The following USH2A variants were observed in gnomAD, a reference collection of about 807,000 sequenced individuals.
USH2A encodes the protein Usher syndrome 2A (autosomal recessive, mild).
A neutral mutation model predicts 538.9 loss-of-function variants in USH2A; 443 were observed. The ratio of observed to expected loss-of-function variants is 0.82; its 90% CI spans 0.76 to 0.89. USH2A has a LOEUF of 0.89. USH2A is among the 40% of genes least tolerant of loss of function. The probability of loss-of-function intolerance (pLI) is 0.00; values close to 1 mark genes in which losing one functional copy is unlikely to be tolerated. For synonymous variants in USH2A, 2,413 were observed against 2,273.5 expected, an observed-to-expected ratio of 1.06 and a Z score of -1.75; for missense variants, 6,633 against 6,324.8, an observed-to-expected ratio of 1.05 and a Z score of -1.65.
intron 2 of USH2A, among the ~76,000 whole-genome samples, chr1:216,420,412 C>T (rs759241945): frequency 6.6e-6 from 1 of 151,948 alleles, no homozygotes; most frequent in Non-Finnish European, 1.5e-5. Context: ...CCTGAATAAA[C>T]AATAATTGGA....
intron 20 of USH2A, among the ~76,000 whole-genome samples, chr1:216,180,868 G>T (rs2034479883): frequency 6.6e-6 from 1 of 152,110 alleles, no homozygotes; most frequent in South Asian, 2.1e-4. Context: ...TGCTAGGCCA[G>T]AACACTTGCA....
In USH2A at chr1:215,867,041, G is replaced by T. The variant is rs544710050; in HGVS notation, c.8811C>A (p.Asn2937Lys). ...CCCACCTCACGTCGATGGCTGTGTG[G>T]TTAAGGACACTCGCAGTGAGATTGG... The part of the protein sequence containing the change: ...RGANLTASVL[N>K]HTAIDVRWAK... The change falls in exon 44 of 72, where the codon AAC (asparagine) becomes AAA (lysine). Residue 2937 changes from asparagine to lysine, a missense_variant. By Grantham distance (94) the Asn-to-Lys change is moderately conservative (BLOSUM62 0). Transcript: ENST00000307340. 1.2e-6 allele frequency: 2 copies of T among 1,614,128 alleles called. No homozygotes were observed. Among genetic ancestry groups the T allele is most frequent in the Admixed American group, 1.7e-5 (1 of 60,014 alleles).
Position 215,743,339 on chromosome 1 carries a change from T to C in USH2A, c.11390-4A>G. The stretch of plus-strand genomic sequence containing the variant: ...GGAATTTCGGGGATGAGGATCCCTT[T>C]AAAGAGAGAGAGAGAGAGAGAACAT... On this transcript the variant is annotated splice_region_variant and splice_polypyrimidine_tract_variant and intron_variant, in intron 58 of 71. Coordinates refer to ENST00000307340, the MANE Select transcript of USH2A (RefSeq NM_206933.4). 2 of 1,585,464 alleles carry C rather than the reference T, an allele frequency of 1.3e-6. No homozygotes were observed. The highest frequency in any genetic ancestry group is 1.7e-6 in the Non-Finnish European group (2 of 1,164,414).
intron 37 of USH2A, among the ~76,000 whole-genome samples, chr1:215,938,366 T>A (rs941702493): frequency 2.0e-5 from 3 of 152,124 alleles, no homozygotes; most frequent in Non-Finnish European, 4.4e-5. Context: ...TCACTGTCTT[T>A]CCTTTCTTCC....
chr1:216,390,178 T>C (rs2039081574), intron 3 of USH2A, among the ~76,000 whole-genome samples: 1 of 152,152 alleles, frequency 6.6e-6, no homozygotes, highest in African/African-American at 2.4e-5. Flanking sequence ...AATATGGAAA[T>C]GTGTGAGGAA....
rs147912711 is a variant in USH2A, at chr1:216,341,989, G to T, written c.785-14335C>A. Reference sequence around the variant, plus strand: ...AGCAATTGCAACAAAAGCAAAAATTGCCAAATGGGATCTAATTAAACTAAA... The same window carrying T: ...AGCAATTGCAACAAAAGCAAAAATTTCCAAATGGGATCTAATTAAACTAAA... On this transcript the variant is annotated intron_variant, in intron 4 of 71. Coordinates refer to ENST00000307340, the MANE Select transcript of USH2A (RefSeq NM_206933.4). 3.8e-3 allele frequency among the ~76,000 whole-genome samples: 581 copies of T among 152,234 alleles called. 5 individuals are homozygous for T. Among genetic ancestry groups the T allele is most frequent in the African/African-American group, 0.013 (552 of 41,548 alleles).
At chr1:215,788,880 GAAGATAATTCTCCAA>G (rs1661886280) in intron 51 of USH2A, among the ~76,000 whole-genome samples, 1 of 151,238 alleles carries the variant, frequency 6.6e-6, no homozygotes, top group Admixed American at 6.6e-5. Flanking sequence ...CTATATACAA[GAAGATAATTCTCCAA>G]ATGGAATGAA....
intron 21 of USH2A, among the ~76,000 whole-genome samples, chr1:216,133,524 T>C (rs1352085070): frequency 2.0e-5 from 3 of 152,050 alleles, no homozygotes; most frequent in Non-Finnish European, 4.4e-5. Context: ...AACCAGAGGA[T>C]GTGTGCGTAG....
rs2038566118 is a variant in USH2A at position 216,364,957 on chromosome 1, T to C, written c.780A>G (p.Leu260=). The change falls in exon 4 of 72, where the codon TTA becomes TTG. Residue 260 remains leucine (L), a synonymous_variant. Coordinates refer to ENST00000307340, the MANE Select transcript of USH2A (RefSeq NM_206933.4). ...ASGTVQIGQS[L]NGLEQFVGRM... is the part of the protein sequence containing the mutation. Reference sequence around the variant, plus strand: ...ATTCTGAAGTCAGAAACTTACCATTTAAACTCTGTCCTATTTGCACAGTAC... The same window carrying C: ...ATTCTGAAGTCAGAAACTTACCATTCAAACTCTGTCCTATTTGCACAGTAC... The C allele has an allele frequency of 3.1e-6, 5 of 1,613,494 alleles. No homozygotes were observed. In the East Asian group the frequency reaches 1.1e-4, roughly 36 times the overall value.
intron 40 of USH2A, 77 bp from the exon 41 acceptor site, chr1:215,889,131 A>C: frequency 6.5e-7 from 1 of 1,535,890 alleles, no homozygotes; most frequent in Non-Finnish European, 8.9e-7. Flanking sequence ...AATGAGTGAT[A>C]GCTCTGCTAC....
At chr1:215,898,265 G>C (rs1485697643) in intron 40 of USH2A, among the ~76,000 whole-genome samples, 1 of 152,100 alleles carries the variant, frequency 6.6e-6, no homozygotes, top group African/African-American at 2.4e-5. Flanking sequence ...GAAAATGAAG[G>C]GTTAATACCA....
intron 70 of USH2A, 127 bp from the exon 71 acceptor site, chr1:215,629,162 A>G: frequency 7.9e-6 from 8 of 1,013,872 alleles, no homozygotes; most frequent in South Asian, 2.8e-5. Context: ...CACATTGTCA[A>G]TGAAGGGAAC....
At chr1:216,421,660 A>AT (rs1184725955) in intron 2 of USH2A, among the ~76,000 whole-genome samples, 192 bp downstream of exon 2, 3 of 151,990 alleles carry the variant, frequency 2.0e-5, no homozygotes, top group Non-Finnish European at 4.4e-5. Flanking sequence ...CTATTTTCAC[A>AT]TTTTTTTTCA....
intron 61 of USH2A, among the ~76,000 whole-genome samples, chr1:215,701,859 A>T (rs1347889912): frequency 6.6e-6 from 1 of 152,206 alleles, no homozygotes; most frequent in East Asian, 1.9e-4. Context: ...TTCTGTCATT[A>T]TGATGCTAGC....
intron 4 of USH2A, among the ~76,000 whole-genome samples, chr1:216,363,484 A>T (rs2038535183): frequency 6.6e-6 from 1 of 152,128 alleles, no homozygotes; most frequent in Non-Finnish European, 1.5e-5. Flanking sequence ...CAAATAGGAT[A>T]TTAAGGAACT....
At chr1:215,941,194 C>T (rs1666622564) in intron 37 of USH2A, among the ~76,000 whole-genome samples, 1 of 151,778 alleles carries the variant, frequency 6.6e-6, no homozygotes, top group Non-Finnish European at 1.5e-5. Context: ...TGCTGTAATC[C>T]TAAAACTGCT....
intron 63 of USH2A, among the ~76,000 whole-genome samples, chr1:215,672,105 T>C (rs1282634278): frequency 6.6e-6 from 1 of 152,214 alleles, no homozygotes; most frequent in Non-Finnish European, 1.5e-5. Context: ...TCTATTTACA[T>C]AGCAGGGACT....
intron 60 of USH2A, among the ~76,000 whole-genome samples, chr1:215,740,853 T>A (rs1660279992): frequency 6.6e-6 from 1 of 152,148 alleles, no homozygotes; most frequent in Admixed American, 6.5e-5. Context: ...TAGATTCTGA[T>A]AAGGAAGGCA....
intron 21 of USH2A, among the ~76,000 whole-genome samples, chr1:216,131,078 T>G (rs2033367177): frequency 6.6e-6 from 1 of 152,106 alleles, no homozygotes; most frequent in South Asian, 2.1e-4. Flanking sequence ...AGCATGTTTT[T>G]AATATGTCTG....
Sources: allele counts gnomAD v4.1 joint callset (sites outside exome capture counted in the v4.1 genomes callset), GRCh38; gene constraint gnomAD v4.1.1; transcripts MANE v1.5; gene names NCBI Gene and HGNC (gene_info 2026-07-23, HGNC 2026-07-21).